DCHS2: variants seen among roughly 807,000 people sequenced by gnomAD.
DCHS2 encodes the protein dachsous cadherin-related 2, also known as protocadherin-23.
Under a neutral mutation model 182.4 loss-of-function variants are expected in DCHS2, and 142 were observed. The observed-to-expected ratio is 0.78, with a 90% CI of 0.68 to 0.89. The LOEUF is 0.89. DCHS2 is among the 40% of genes least tolerant of loss of function. The pLI is 0.00. For missense variants in DCHS2, 4,319 were observed against 4,198.6 expected, an observed-to-expected ratio of 1.03 and a Z score of -0.79; for synonymous variants, 1,740 against 1,663.3, an observed-to-expected ratio of 1.05 and a Z score of -1.12.
intron 14 of DCHS2, chr4:154,262,108 C>T (rs1733013429): frequency 6.6e-6 from 1 of 152,152 alleles, no homozygotes; most frequent in Non-Finnish European, 1.5e-5. Flanking sequence ...CACTAAATTG[C>T]CCGTGTCACT....
intron 1 of DCHS2, among the ~76,000 whole-genome samples, chr4:154,385,041 A>G (rs958014133): frequency 6.6e-6 from 1 of 151,258 alleles, no homozygotes; most frequent in African/African-American, 2.4e-5. Context: ...ATCATTTAAC[A>G]TTAGGTATAT....
chr4:154,247,854 C>T (rs961836663), intron 16 of DCHS2, among the ~76,000 whole-genome samples: 2 of 152,220 alleles, frequency 1.3e-5, no homozygotes, highest in Middle Eastern at 6.8e-3. Flanking sequence ...ACTTCTGTGG[C>T]ACCTTTTCCT....
chr4:154,338,925 T>A (rs1267634822), intron 3 of DCHS2, among the ~76,000 whole-genome samples: 1 of 152,166 alleles, frequency 6.6e-6, no homozygotes, highest in South Asian at 2.1e-4. Flanking sequence ...ATGGGATCTC[T>A]CCTCTGTAGA....
chr4:154,284,967 T>C lies in DCHS2; in HGVS notation c.6463+12884A>G, dbSNP rs553882713. ...CACAGCTTATAACTCCAGGACAGAC[T>C]CTTTCCTTCCACTTGAGCAGAGGAG... On this transcript the variant is annotated intron_variant, in intron 13 of 19. Coordinates refer to ENST00000357232, the MANE Select transcript of DCHS2 (RefSeq NM_001358235.2). Among the ~76,000 whole-genome samples the C allele has an allele frequency of 2.0e-5, 3 of 152,172 alleles. No homozygotes were observed. In the East Asian group the frequency reaches 5.8e-4, roughly 29 times the overall value.
At chr4:154,474,886 C>T (rs1213512305) in intron 1 of DCHS2, among the ~76,000 whole-genome samples, 1 of 152,124 alleles carries the variant, frequency 6.6e-6, no homozygotes, top group African/African-American at 2.4e-5. Flanking sequence ...TTACAAGCTA[C>T]TATTATAAGC....
intron 3 of DCHS2, among the ~76,000 whole-genome samples, chr4:154,360,539 C>A (rs1436813208): frequency 1.3e-5 from 2 of 152,088 alleles, no homozygotes; most frequent in Non-Finnish European, 2.9e-5. Context: ...GGAACAGGCT[C>A]ACATCCCTTA....
At chr4:154,283,445 A>G (rs1734247797) in intron 13 of DCHS2, among the ~76,000 whole-genome samples, 1 of 141,540 alleles carries the variant, frequency 7.1e-6, no homozygotes, top group Non-Finnish European at 1.6e-5. Flanking sequence ...TTATTTTTTT[A>G]TAAGTTTAAG....
chr4:154,398,123 T>C (rs938492063), intron 1 of DCHS2, among the ~76,000 whole-genome samples: 3 of 152,272 alleles, frequency 2.0e-5, no homozygotes, highest in African/African-American at 7.2e-5. Context: ...GTTTATCTTC[T>C]ATGTTTTCTA....
intron 1 of DCHS2, among the ~76,000 whole-genome samples, chr4:154,442,721 C>G (rs962269894): frequency 6.6e-6 from 1 of 152,080 alleles, no homozygotes; most frequent in Non-Finnish European, 1.5e-5. Flanking sequence ...CTTTAAGGCA[C>G]ATGTCATCAG....
In DCHS2 at chr4:154,298,560, GTGTA is replaced by G; in HGVS notation, c.5750_5753del (p.Ile1917ThrfsTer25). 1 of 1,614,166 alleles carries G rather than the reference GTGTA, an allele frequency of 6.2e-7. No individual in the cohort carries two copies. The highest frequency in any genetic ancestry group is 8.5e-7 in the Non-Finnish European group (1 of 1,180,006). On this transcript the variant is annotated frameshift_variant, in exon 13 of 20. Coordinates refer to ENST00000357232, the MANE Select transcript of DCHS2 (RefSeq NM_001358235.2). LOFTEE classifies it high-confidence loss of function. Reference sequence around the variant, plus strand: ...TGGCATCCAAAACTCTAACTTGCAGGTGTATTACAGAGCTCCTAGGTGGATCTCC... The same window carrying G: ...TGGCATCCAAAACTCTAACTTGCAGGTTACAGAGCTCCTAGGTGGATCTCC...
intron 1 of DCHS2, among the ~76,000 whole-genome samples, chr4:154,465,817 T>C (rs1735218826): frequency 6.6e-6 from 1 of 152,162 alleles, no homozygotes; most frequent in Admixed American, 6.5e-5. Context: ...CTCATCATGC[T>C]GGGCCTCAAA....
intron 1 of DCHS2, among the ~76,000 whole-genome samples, chr4:154,403,408 A>G (rs1328401502): frequency 6.6e-6 from 1 of 152,130 alleles, no homozygotes; most frequent in African/African-American, 2.4e-5. Context: ...TATTTAGATG[A>G]TTATATAAAT....
intron 10 of DCHS2, among the ~76,000 whole-genome samples, chr4:154,315,083 G>A (rs552925143): frequency 3.9e-5 from 6 of 152,258 alleles, no homozygotes; most frequent in Non-Finnish European, 5.9e-5. Flanking sequence ...TGTTTACTCC[G>A]AAGTCATTTG....
chr4:154,288,734 C>T (rs188978423), intron 13 of DCHS2, among the ~76,000 whole-genome samples: 80 of 151,996 alleles, frequency 5.3e-4, no homozygotes, highest in Non-Finnish European at 7.5e-4. Flanking sequence ...TCTTCTCTGA[C>T]TGCAAAGGAA....
chr4:154,361,263 A>C (rs1001903465), intron 3 of DCHS2, among the ~76,000 whole-genome samples: 1 of 152,176 alleles, frequency 6.6e-6, no homozygotes, highest in Admixed American at 6.6e-5. Flanking sequence ...CTCAAACCTC[A>C]AACCTTGGCA....
chr4:154,377,161 C>A, intron 2 of DCHS2, 92 bp downstream of exon 2: 2 of 1,254,388 alleles, frequency 1.6e-6, no homozygotes, highest in African/African-American at 1.5e-5. Flanking sequence ...ACAGAATGAC[C>A]CAATTGTTGA....
chr4:154,446,336 T>C (rs1426248966), intron 1 of DCHS2, among the ~76,000 whole-genome samples: 1 of 152,176 alleles, frequency 6.6e-6, no homozygotes, highest in Admixed American at 6.5e-5. Context: ...AAGTTAAATA[T>C]ACACTAAAGT....
intron 1 of DCHS2, among the ~76,000 whole-genome samples, chr4:154,392,438 A>G (rs1579041092): frequency 6.6e-6 from 1 of 152,192 alleles, no homozygotes; most frequent in South Asian, 2.1e-4. Flanking sequence ...AAAAATATAT[A>G]ATGAAAAAGA....
intron 13 of DCHS2, among the ~76,000 whole-genome samples, chr4:154,283,185 AAAG>A (rs1381356543): frequency 6.6e-6 from 1 of 152,184 alleles, no homozygotes; most frequent in Non-Finnish European, 1.5e-5. Context: ...CACAATAAAA[AAAG>A]AAGAAATGCA....
Sources: allele counts gnomAD v4.1 joint callset (sites outside exome capture counted in the v4.1 genomes callset), GRCh38; gene constraint gnomAD v4.1.1; transcripts MANE v1.5; gene names NCBI Gene and HGNC (gene_info 2026-07-23, HGNC 2026-07-21).